The following POGLUT3 variants were observed in gnomAD, a reference collection of about 807,000 sequenced individuals.
POGLUT3 encodes the protein KDEL (Lys-Asp-Glu-Leu) containing 2.
A neutral mutation model predicts 54.3 loss-of-function variants in POGLUT3; 48 were observed. The observed-to-expected ratio is 0.88, with a 90% CI of 0.70 to 1.12. POGLUT3 has a LOEUF of 1.12. Ranked by LOEUF, POGLUT3 falls within the 50% of genes most tolerant of loss-of-function variation. The pLI is 0.00. For missense variants in POGLUT3, 629 were observed against 618.7 expected (o/e 1.02, Z -0.18); for synonymous variants, 218 against 237.4 (o/e 0.92, Z 0.75).
intron 7 of POGLUT3, 115 bp downstream of exon 7, chr11:108,477,492 G>C (rs1309785986): frequency 3.0e-6 from 2 of 662,416 alleles, no homozygotes; most frequent in Admixed American, 5.5e-5. Flanking sequence ...GGCTTAGCCA[G>C]TGGTCCATAG....
chr11:108,481,412 G>C, intron 4 of POGLUT3, 36 bp from the exon 5 acceptor site: 1 of 1,487,524 alleles, frequency 6.7e-7, no homozygotes, highest in Non-Finnish European at 9.0e-7. Context: ...TTAGGATTAT[G>C]AATTTGACAT....
At chr11:108,497,547 C>T (rs1205163474) in intron 1 of POGLUT3, among the ~76,000 whole-genome samples, 4 of 152,180 alleles carry the variant, frequency 2.6e-5, no homozygotes, top group African/African-American at 9.7e-5. Flanking sequence ...GGAGGAGGAC[C>T]GGGCAGAAAG....
At chr11:108,484,460 G>GT (rs900579421) in intron 3 of POGLUT3, among the ~76,000 whole-genome samples, 1 of 151,796 alleles carries the variant, frequency 6.6e-6, no homozygotes, top group African/African-American at 2.4e-5. Context: ...GGAAAACTGT[G>GT]TTTTTTTTGG....
chr11:108,483,208 C>G (rs2093596134), intron 3 of POGLUT3, among the ~76,000 whole-genome samples: 1 of 152,258 alleles, frequency 6.6e-6, no homozygotes. Context: ...GGCTGGCATT[C>G]AAGGCCTCAC....
chr11:108,475,708 A>G (rs759769476), intron 7 of POGLUT3, among the ~76,000 whole-genome samples: 4 of 151,954 alleles, frequency 2.6e-5, no homozygotes, highest in Non-Finnish European at 4.4e-5. Context: ...GACTCAAGCA[A>G]TCTGCCTACC....
chr11:108,488,696 A>C (rs2093608042), intron 2 of POGLUT3, among the ~76,000 whole-genome samples: 2 of 152,182 alleles, frequency 1.3e-5, no homozygotes, highest in Admixed American at 6.5e-5. Context: ...AATACAGTTT[A>C]ATTATTTAGG....
chr11:108,487,576 T>A (rs1211204018), intron 2 of POGLUT3, among the ~76,000 whole-genome samples: 4 of 152,170 alleles, frequency 2.6e-5, no homozygotes, highest in Non-Finnish European at 5.9e-5. Context: ...TCTTCTTTTT[T>A]CTTTCTTTCT....
intron 2 of POGLUT3, chr11:108,487,008 C>G (rs1306893966): frequency 6.6e-6 from 1 of 152,498 alleles, no homozygotes; most frequent in Non-Finnish European, 1.5e-5. Flanking sequence ...TGATAAGAAA[C>G]ATTTGCAATC....
intron 3 of POGLUT3, among the ~76,000 whole-genome samples, chr11:108,485,493 C>T (rs1208136294): frequency 6.6e-6 from 1 of 151,794 alleles, no homozygotes; most frequent in African/African-American, 2.4e-5. Context: ...TGAGACTGTT[C>T]TGTTTGGATA....
intron 1 of POGLUT3, among the ~76,000 whole-genome samples, chr11:108,493,567 AG>A (rs1328928308): frequency 6.6e-6 from 1 of 152,170 alleles, no homozygotes; most frequent in East Asian, 1.9e-4. Flanking sequence ...GCACTTTGGT[AG>A]GCCAAGGCAG....
intron 2 of POGLUT3, 68 bp from the exon 3 acceptor site, chr11:108,486,508 T>C: frequency 2.0e-6 from 3 of 1,467,682 alleles, no homozygotes; most frequent in Non-Finnish European, 2.8e-6. Context: ...GAGTCACTTC[T>C]GTCTCTGCTT....
intron 3 of POGLUT3, 87 bp downstream of exon 3, chr11:108,486,070 G>GT (rs2093602671): frequency 2.7e-6 from 3 of 1,114,226 alleles, no homozygotes; most frequent in African/African-American, 1.6e-5. Context: ...CCTGAAATCT[G>GT]TTTCATCCTT....
intron 4 of POGLUT3, 40 bp downstream of exon 4, chr11:108,481,966 G>T: frequency 6.7e-7 from 1 of 1,501,564 alleles, no homozygotes; most frequent in South Asian, 1.1e-5. Flanking sequence ...CTGTCTCTAA[G>T]CTTTTTCTTC....
chr11:108,485,733 C>T (rs893559919), intron 3 of POGLUT3, among the ~76,000 whole-genome samples: 2 of 151,954 alleles, frequency 1.3e-5, no homozygotes, highest in Non-Finnish European at 2.9e-5. Flanking sequence ...TCTTGGCCCA[C>T]TGCAGCCTCC....
In POGLUT3 at chr11:108,482,021, T is replaced by C; in HGVS notation, c.886A>G (p.Ile296Val). 1 of 1,613,504 alleles carries C rather than the reference T, an allele frequency of 6.2e-7. No individual in the cohort carries two copies. Among genetic ancestry groups the C allele is most frequent in the South Asian group, 1.1e-5 (1 of 91,038 alleles). The part of the protein sequence containing the change: ...MRGVTNDLLS[I>V]QGNTGPSWIN... The stretch of plus-strand genomic sequence containing the variant: ...CCCTGAATACCTGTATTTCCCTGAA[T>C]AGAGAGGAGATCATTTGTAACACCC... Residue 296 changes from isoleucine to valine, a missense_variant, in exon 4 of 8, where the codon ATT (isoleucine) becomes GTT (valine). Physicochemically the swap from Ile to Val is conservative, Grantham distance 29. Transcript: ENST00000323468.
In POGLUT3 at chr11:108,491,035, T is replaced by C. The variant is rs561706814; in HGVS notation, c.335A>G (p.Glu112Gly). 3 of 1,614,084 alleles carry C rather than the reference T, an allele frequency of 1.9e-6. No homozygotes were observed. Among genetic ancestry groups the C allele is most frequent in the Non-Finnish European group, 2.5e-6 (3 of 1,179,946 alleles). The change falls in exon 2 of 8, where the codon GAA becomes GGA. Residue 112 changes from glutamate to glycine, a missense_variant. Transcript: ENST00000323468. Reference protein sequence around the residue: ...MRYRMYETVDEGLKIEVLYGD... With the variant: ...MRYRMYETVDGGLKIEVLYGD... ...ATAAAGGACCTCTATCTTCAGGCCT[T>C]CATCGACAGTTTCATACATCCTATA...
chr11:108,474,647 TG>T lies in POGLUT3; in HGVS notation c.*179del. 2 of 509,742 alleles carry T rather than the reference TG, an allele frequency of 3.9e-6. No homozygotes were observed. The highest frequency in any genetic ancestry group is 6.7e-6 in the Non-Finnish European group (2 of 300,586). 31.6% of individuals were successfully genotyped at this position (509,742 alleles called of 1,614,324 possible). On this transcript the variant is annotated 3_prime_UTR_variant, in exon 8 of 8. Transcript: ENST00000323468. The stretch of plus-strand genomic sequence containing the variant: ...AAAAATCTGAAGCCTGAAACACTCC[TG>T]GTCCTAAGCATTTCAGATGAGGGAT...
intron 7 of POGLUT3, among the ~76,000 whole-genome samples, chr11:108,477,343 G>A (rs1455086756): frequency 2.0e-5 from 3 of 152,184 alleles, no homozygotes; most frequent in African/African-American, 7.2e-5. Flanking sequence ...AGGCTGCAGT[G>A]AGCTGAGATT....
chr11:108,490,668 T>C (rs1158995822), intron 2 of POGLUT3, among the ~76,000 whole-genome samples: 2 of 151,948 alleles, frequency 1.3e-5, no homozygotes, highest in Non-Finnish European at 2.9e-5. Flanking sequence ...GTAAAATAAA[T>C]ATTAATAAAA....
Sources: allele counts gnomAD v4.1 joint callset (sites outside exome capture counted in the v4.1 genomes callset), GRCh38; gene constraint gnomAD v4.1.1; transcripts MANE v1.5; gene names NCBI Gene and HGNC (gene_info 2026-07-23, HGNC 2026-07-21).